The following SYNPR variants were observed in gnomAD, a reference collection of about 807,000 sequenced individuals.
SYNPR encodes the protein synaptoporin.
A neutral mutation model predicts 32.9 loss-of-function variants in SYNPR; 23 were observed. The ratio of observed to expected loss-of-function variants is 0.70; its 90% CI spans 0.50 to 0.99. The LOEUF (loss-of-function observed/expected upper bound fraction) is 0.99, where lower values mean the gene tolerates loss of function less well. Ranked by LOEUF, SYNPR falls within the 50% of genes least tolerant of loss-of-function variation. The pLI is 0.00. For synonymous variants in SYNPR, 146 were observed against 135.9 expected (o/e 1.07, Z -0.52); for missense variants, 318 against 349.3 (o/e 0.91, Z 0.71).
At chr3:63,348,317 T>C (rs1026757116) in intron 2 of SYNPR, among the ~76,000 whole-genome samples, 7 of 152,222 alleles carry the variant, frequency 4.6e-5, no homozygotes. Flanking sequence ...GTTGACCATT[T>C]ACATGTCTTC....
At chr3:63,385,509 C>T (rs1226839161) in intron 2 of SYNPR, among the ~76,000 whole-genome samples, 3 of 152,192 alleles carry the variant, frequency 2.0e-5, no homozygotes, top group African/African-American at 7.2e-5. Flanking sequence ...GAACTCTGAG[C>T]ATTTTTGTGA....
intron 4 of SYNPR, among the ~76,000 whole-genome samples, chr3:63,557,840 A>G (rs1382569866): frequency 1.3e-5 from 2 of 152,210 alleles, no homozygotes; most frequent in Non-Finnish European, 2.9e-5. Context: ...GTACTATTCT[A>G]TAAATAAATA....
At chr3:63,393,850 T>C (rs1009633131) in intron 2 of SYNPR, among the ~76,000 whole-genome samples, 3 of 152,152 alleles carry the variant, frequency 2.0e-5, no homozygotes, top group African/African-American at 7.2e-5. Context: ...ACTTCATGTT[T>C]GTTAATCTAG....
intron 2 of SYNPR, among the ~76,000 whole-genome samples, chr3:63,446,840 C>A (rs895874934): frequency 6.6e-6 from 1 of 152,086 alleles, no homozygotes; most frequent in Non-Finnish European, 1.5e-5. Context: ...ATATTGAGTT[C>A]TTGGTGTGAT....
intron 2 of SYNPR, among the ~76,000 whole-genome samples, chr3:63,478,528 T>C (rs1202026383): frequency 1.3e-5 from 2 of 152,228 alleles, no homozygotes; most frequent in African/African-American, 4.8e-5. Context: ...GACACAATGC[T>C]TGGCCCATAG....
At chr3:63,222,772 C>T in the SYNPR span, among the ~76,000 whole-genome samples, 3 of 152,102 alleles carry the variant, frequency 2.0e-5, no homozygotes, top group Non-Finnish European at 2.9e-5. Flanking sequence ...CTGCCTTGGC[C>T]TCTCAAAGTA....
At chr3:63,291,160 A>G (rs6767034) in intron 2 of SYNPR, among the ~76,000 whole-genome samples, 114,684 of 152,016 alleles carry the variant, frequency 0.75, 44,165 homozygotes, top group Non-Finnish European at 0.83. Context: ...CTTTGGGTAT[A>G]TTCATGGGCA....
At chr3:63,564,782 G>C (rs1367273189) in intron 4 of SYNPR, among the ~76,000 whole-genome samples, 1 of 152,090 alleles carries the variant, frequency 6.6e-6, no homozygotes, top group Non-Finnish European at 1.5e-5. Context: ...TTTAAATGAA[G>C]GTTCATTCCC....
upstream of SYNPR, among the ~76,000 whole-genome samples, chr3:63,223,793 T>C (rs2086110347): frequency 6.6e-6 from 1 of 152,226 alleles, no homozygotes; most frequent in Non-Finnish European, 1.5e-5. Context: ...TAACTTTTTC[T>C]ACTTTCTATT....
intron 2 of SYNPR, among the ~76,000 whole-genome samples, chr3:63,375,566 T>C (rs948612878): frequency 2.0e-5 from 3 of 152,018 alleles, no homozygotes; most frequent in Admixed American, 6.6e-5. Flanking sequence ...CACTGGGGCC[T>C]GTCATAGAGT....
intron 3 of SYNPR, among the ~76,000 whole-genome samples, chr3:63,508,085 C>T (rs993438075): frequency 6.6e-6 from 1 of 152,078 alleles, no homozygotes; most frequent in Admixed American, 6.6e-5. Flanking sequence ...AATCCAGATT[C>T]AATTCAGACT....
At chr3:63,494,437 A>ATATATATATATACG (rs1701324412) in intron 3 of SYNPR, among the ~76,000 whole-genome samples, 1 of 126,830 alleles carries the variant, frequency 7.9e-6, no homozygotes, top group Non-Finnish European at 1.7e-5. Flanking sequence ...ATATATACGT[A>ATATATATATATACG]TATATATATA....
At chr3:63,302,895 GA>G (rs1400629802) in intron 2 of SYNPR, among the ~76,000 whole-genome samples, 1 of 151,862 alleles carries the variant, frequency 6.6e-6, no homozygotes, top group Non-Finnish European at 1.5e-5. Context: ...AAAATAGCTA[GA>G]ATAGAATAAT....
chr3:63,211,711 T>C, the SYNPR span, among the ~76,000 whole-genome samples: 1 of 145,462 alleles, frequency 6.9e-6, no homozygotes, highest in African/African-American at 2.7e-5. Context: ...AATCTTTCTT[T>C]TTTTTTTTTT....
intron 2 of SYNPR, among the ~76,000 whole-genome samples, chr3:63,431,558 A>T (rs1165555295): frequency 6.6e-6 from 1 of 152,190 alleles, no homozygotes; most frequent in Admixed American, 6.5e-5. Flanking sequence ...GTGGTAATTT[A>T]TCTGGTTTTT....
At chr3:63,342,764 C>G (rs950739685) in intron 2 of SYNPR, among the ~76,000 whole-genome samples, 4 of 152,074 alleles carry the variant, frequency 2.6e-5, no homozygotes, top group Admixed American at 2.6e-4. Context: ...TTATTAAGAG[C>G]TCTTTAATTA....
intron 2 of SYNPR, among the ~76,000 whole-genome samples, chr3:63,335,347 C>G (rs11716416): frequency 2.5e-5 from 3 of 119,832 alleles, no homozygotes; most frequent in Non-Finnish European, 5.1e-5. Flanking sequence ...AGCGAGACTC[C>G]GTCTCAAAAA....
intron 3 of SYNPR, among the ~76,000 whole-genome samples, chr3:63,516,572 C>A (rs1277998012): frequency 6.6e-6 from 1 of 152,112 alleles, no homozygotes; most frequent in Non-Finnish European, 1.5e-5. Flanking sequence ...CCTTGTAAGA[C>A]AAATGAAGTC....
At chr3:63,479,471 CGTG>C (rs1701002177) in intron 2 of SYNPR, among the ~76,000 whole-genome samples, 1 of 152,110 alleles carries the variant, frequency 6.6e-6, no homozygotes, top group African/African-American at 2.4e-5. Flanking sequence ...CACACACACA[CGTG>C]ACTCACAAAA....
Sources: gnomAD v4.1 joint callset for allele counts (sites outside exome capture counted in the v4.1 genomes callset) on GRCh38, gnomAD v4.1.1 for gene constraint, MANE v1.5 for transcripts, NCBI Gene and HGNC (gene_info 2026-07-23, HGNC 2026-07-21) for gene names.